PDE7A: variants seen among roughly 807,000 people sequenced by gnomAD.
PDE7A encodes the protein high affinity 3',5'-cyclic-AMP phosphodiesterase 7A.
A neutral mutation model predicts 64.3 loss-of-function variants in PDE7A; 39 were observed. The ratio of observed to expected loss-of-function variants is 0.61; its 90% CI spans 0.47 to 0.79. The LOEUF is 0.79. PDE7A is among the 30% of genes least tolerant of loss of function. The pLI, the probability that PDE7A is intolerant of heterozygous loss-of-function variation, is 0.00. For synonymous variants in PDE7A, 203 were observed against 206.8 expected (o/e 0.98, Z 0.16); for missense variants, 470 against 582.8 (o/e 0.81, Z 1.99).
chr8:65,755,061 C>A (rs542941536), intron 3 of PDE7A, among the ~76,000 whole-genome samples: 48 of 146,754 alleles, frequency 3.3e-4, no homozygotes, highest in Middle Eastern at 7.1e-3. Context: ...CACTCTGTTG[C>A]CCAGGCTGGA....
chr8:65,786,716 T>C (rs1455641733), intron 1 of PDE7A, among the ~76,000 whole-genome samples: 2 of 152,212 alleles, frequency 1.3e-5, no homozygotes, highest in Non-Finnish European at 2.9e-5. Flanking sequence ...CTCTCAGAGC[T>C]ATCACCCACA....
At chr8:65,770,162 T>C (rs902785738) in intron 3 of PDE7A, among the ~76,000 whole-genome samples, 22 of 142,750 alleles carry the variant, frequency 1.5e-4, no homozygotes, top group African/African-American at 2.4e-4. Flanking sequence ...TGTGTGTGTG[T>C]GCCACACCTA....
chr8:65,764,000 T>G (rs1466210396), intron 3 of PDE7A, among the ~76,000 whole-genome samples: 1 of 152,220 alleles, frequency 6.6e-6, no homozygotes, highest in Non-Finnish European at 1.5e-5. Flanking sequence ...TAGTGGTTCT[T>G]AAATGTAGGC....
intron 1 of PDE7A, 117 bp from the exon 2 acceptor site, chr8:65,782,960 T>A: frequency 1.6e-6 from 1 of 634,862 alleles, no homozygotes; most frequent in Non-Finnish European, 2.7e-6. Flanking sequence ...AGAAGTTGGA[T>A]ACACAAAATG....
chr8:65,787,788 G>GA (rs113671790), intron 1 of PDE7A, among the ~76,000 whole-genome samples: 157 of 127,708 alleles, frequency 1.2e-3, no homozygotes, highest in Middle Eastern at 4.1e-3. Context: ...ACAGGGGGGG[G>GA]AAAAAAAAAA....
chr8:65,770,592 C>G (rs1346515416), intron 3 of PDE7A, among the ~76,000 whole-genome samples: 1 of 152,142 alleles, frequency 6.6e-6, no homozygotes, highest in African/African-American at 2.4e-5. Flanking sequence ...ACCATATCAA[C>G]CTCTAAACAC....
chr8:65,840,741 TTCTC>T (rs1170660351), intron 1 of PDE7A, among the ~76,000 whole-genome samples: 1 of 152,248 alleles, frequency 6.6e-6, no homozygotes, highest in Non-Finnish European at 1.5e-5. Context: ...CATCAGTAGT[TTCTC>T]TCCTAAAATC....
At chr8:65,838,442 A>G (rs1448453649) in intron 1 of PDE7A, 1 of 152,246 alleles carries the variant, frequency 6.6e-6, no homozygotes, top group Non-Finnish European at 1.5e-5. Flanking sequence ...TATACATCCT[A>G]GTTTAAAACA....
intron 1 of PDE7A, among the ~76,000 whole-genome samples, chr8:65,817,811 G>T (rs980205313): frequency 1.3e-5 from 2 of 151,128 alleles, no homozygotes; most frequent in African/African-American, 4.9e-5. Context: ...GGAGTGCAGC[G>T]GCGCTATCTC....
At chr8:65,769,424 T>C (rs1808966024) in intron 3 of PDE7A, among the ~76,000 whole-genome samples, 1 of 152,174 alleles carries the variant, frequency 6.6e-6, no homozygotes, top group South Asian at 2.1e-4. Context: ...TGAGAGCATA[T>C]TTGTACCAGA....
At chr8:65,757,779 C>T (rs975361464) in intron 3 of PDE7A, among the ~76,000 whole-genome samples, 10 of 152,198 alleles carry the variant, frequency 6.6e-5, no homozygotes, top group East Asian at 3.9e-4. Context: ...CCACCACGCC[C>T]GGCTAACTTT....
intron 1 of PDE7A, among the ~76,000 whole-genome samples, chr8:65,796,988 G>C (rs62507649): frequency 1.3e-5 from 2 of 152,038 alleles, no homozygotes; most frequent in African/African-American, 4.8e-5. Flanking sequence ...ACGGTCAATA[G>C]ACACAAGTTT....
At chr8:65,817,697 G>T (rs192602404) in intron 1 of PDE7A, among the ~76,000 whole-genome samples, 159 of 152,008 alleles carry the variant, frequency 1.0e-3, no homozygotes, top group Admixed American at 2.4e-3. Flanking sequence ...AGGTTTTAGG[G>T]GAGAACACTA....
At chr8:65,799,573 T>C (rs766837675) in intron 1 of PDE7A, among the ~76,000 whole-genome samples, 19 of 152,236 alleles carry the variant, frequency 1.2e-4, no homozygotes, top group Middle Eastern at 3.4e-3. Flanking sequence ...TAGACTAGGG[T>C]AGTAAACAGG....
intron 1 of PDE7A, among the ~76,000 whole-genome samples, chr8:65,798,179 CATATAT>C (rs1218978698): frequency 8.4e-6 from 1 of 118,906 alleles, no homozygotes; most frequent in Non-Finnish European, 1.6e-5. Flanking sequence ...TGTGTGTGTG[CATATAT>C]ATATATATAT....
At chr8:65,815,111 G>T (rs1030935018) in intron 1 of PDE7A, among the ~76,000 whole-genome samples, 10 of 151,668 alleles carry the variant, frequency 6.6e-5, no homozygotes, top group African/African-American at 2.2e-4. Flanking sequence ...TTGCCACAAA[G>T]AATAATACAC....
At chr8:65,744,105 T>C (rs1314731556) in intron 5 of PDE7A, among the ~76,000 whole-genome samples, 1 of 152,180 alleles carries the variant, frequency 6.6e-6, no homozygotes, top group Non-Finnish European at 1.5e-5. Context: ...AGTGCGGGGA[T>C]TACAGGCATG....
chr8:65,791,497 AC>A (rs1809701441), intron 1 of PDE7A, among the ~76,000 whole-genome samples: 1 of 152,310 alleles, frequency 6.6e-6, no homozygotes, highest in Non-Finnish European at 1.5e-5. Context: ...AACTGCAATC[AC>A]AATGGTCCAT....
chr8:65,818,891 T>G (rs1238391435), intron 1 of PDE7A, among the ~76,000 whole-genome samples: 1 of 152,112 alleles, frequency 6.6e-6, no homozygotes, highest in Non-Finnish European at 1.5e-5. Flanking sequence ...CTAAGCCCCC[T>G]TCAAACTGAG....
Sources: gnomAD v4.1 joint callset for allele counts (sites outside exome capture counted in the v4.1 genomes callset) on GRCh38, gnomAD v4.1.1 for gene constraint, MANE v1.5 for transcripts, NCBI Gene and HGNC (gene_info 2026-07-23, HGNC 2026-07-21) for gene names.